Variants in MED13L observed in about 807,000 individuals in gnomAD.
MED13L encodes mediator complex subunit 13L, also known as mediator of RNA polymerase II transcription subunit 13-like.
Under a neutral mutation model 220.9 loss-of-function variants are expected in MED13L, and 7 were observed. The ratio of observed to expected loss-of-function variants is 0.03; its 90% CI spans 0.02 to 0.06. The LOEUF is 0.06. MED13L is among the 10% of genes least tolerant of loss of function. The pLI is 1.00. For synonymous variants in MED13L, 1,011 were observed against 1,015.2 expected (o/e 1.00, Z 0.08); for missense variants, 1,965 against 2,760.5 (o/e 0.71, Z 6.46).
At chr12:116,260,791 A>G (rs1872458394) in intron 1 of MED13L, among the ~76,000 whole-genome samples, 1 of 152,186 alleles carries the variant, frequency 6.6e-6, no homozygotes, top group South Asian at 2.1e-4. Context: ...CTCTTACCAA[A>G]AATATCACTG....
intron 1 of MED13L, among the ~76,000 whole-genome samples, chr12:116,240,802 C>T (rs1397152500): frequency 6.6e-6 from 1 of 151,692 alleles, no homozygotes; most frequent in Non-Finnish European, 1.5e-5. Context: ...GCTGGGATTA[C>T]AGGCGCGAGC....
At chr12:116,050,078 A>G (rs1017255492) in intron 4 of MED13L, among the ~76,000 whole-genome samples, 2 of 152,206 alleles carry the variant, frequency 1.3e-5, no homozygotes, top group Non-Finnish European at 2.9e-5. Context: ...AGGATTTTTC[A>G]TTACACTGGC....
chr12:116,225,515 T>C (rs1868889867), intron 2 of MED13L, among the ~76,000 whole-genome samples: 1 of 152,344 alleles, frequency 6.6e-6, no homozygotes, highest in South Asian at 2.1e-4. Context: ...TTGTATGTAA[T>C]TTGTCCAAGG....
At chr12:116,107,417 C>T (rs902776139) in intron 3 of MED13L, among the ~76,000 whole-genome samples, 2 of 152,166 alleles carry the variant, frequency 1.3e-5, no homozygotes, top group Non-Finnish European at 2.9e-5. Flanking sequence ...AAATATTCTA[C>T]ACAGCATCAA....
rs778582850 is a variant in MED13L at position 116,007,589 on chromosome 12, T to C, written c.2060A>G (p.Gln687Arg). 1.2e-6 allele frequency: 2 copies of C among 1,612,320 alleles called. No individual in the cohort carries two copies. The highest frequency in any genetic ancestry group is 4.5e-5 in the East Asian group (2 of 44,820). ...NKRFKIWQDK[Q>R]PQLQPLHFLD... ...GAAGTGGAGTGGCTGCAACTGGGGC[T>C]GTTTGTCTTGCCAGATTTTAAACCG... The change falls in exon 11 of 31, where the codon CAG becomes CGG. Residue 687 changes from glutamine to arginine, a missense_variant. Physicochemically the swap from Gln to Arg is conservative, Grantham distance 43. Transcript: ENST00000281928.
chr12:116,143,691 A>G (rs1054067819), intron 2 of MED13L, among the ~76,000 whole-genome samples: 2 of 152,214 alleles, frequency 1.3e-5, no homozygotes, highest in African/African-American at 4.8e-5. Context: ...GATATAAACA[A>G]TGATCCTACT....
Position 115,991,534 on chromosome 12 carries a change from G to T in MED13L, c.3420C>A (p.Ile1140=). ...SCCICACNMN[I]KGADVGLYIP... is the part of the protein sequence containing the mutation. ...TGTAAAGCCCGACATCCGCCCCTTT[G>T]ATGTTCATGTTGCAGGCACAGATGC... The change falls in exon 17 of 31, where the codon ATC becomes ATA. Residue 1140 remains isoleucine (I), a synonymous_variant. Coordinates refer to ENST00000281928, the MANE Select transcript of MED13L (RefSeq NM_015335.5). This position sits in a 1 kb window ranked among gnomAD's most constrained non-coding sequence, Gnocchi z 7.7. The T allele has an allele frequency of 6.2e-7, 1 of 1,614,132 alleles. No individual in the cohort carries two copies. The highest frequency in any genetic ancestry group is 8.5e-7 in the Non-Finnish European group (1 of 1,180,014).
At chr12:116,104,512 A>G (rs1873384850) in intron 3 of MED13L, among the ~76,000 whole-genome samples, 1 of 152,228 alleles carries the variant, frequency 6.6e-6, no homozygotes, top group Non-Finnish European at 1.5e-5. Context: ...GCTCTGGGCC[A>G]AAGGCAATTT....
At chr12:116,075,159 G>C (rs1870679069) in intron 4 of MED13L, among the ~76,000 whole-genome samples, 1 of 151,908 alleles carries the variant, frequency 6.6e-6, no homozygotes, top group Non-Finnish European at 1.5e-5. Context: ...TTTTCATTTT[G>C]GGGGGAAATA....
intron 23 of MED13L, among the ~76,000 whole-genome samples, 188 bp from the exon 24 acceptor site, chr12:115,975,926 T>C (rs939463966): frequency 3.9e-5 from 6 of 152,176 alleles, no homozygotes; most frequent in Admixed American, 3.3e-4. Context: ...GTTTAAATCA[T>C]GTAAGCTGGG....
At chr12:116,219,738 CA>C (rs1396638609) in intron 2 of MED13L, among the ~76,000 whole-genome samples, 1 of 152,052 alleles carries the variant, frequency 6.6e-6, no homozygotes, top group Non-Finnish European at 1.5e-5. Context: ...CTTTTAATGC[CA>C]AAAGCCATTT....
chr12:116,025,451 C>A (rs770422566), intron 4 of MED13L, among the ~76,000 whole-genome samples: 6 of 152,152 alleles, frequency 3.9e-5, no homozygotes, highest in Non-Finnish European at 7.3e-5. Context: ...CATTATTATT[C>A]ACAATAGTTA....
chr12:116,042,614 G>C (rs972318916), intron 4 of MED13L, among the ~76,000 whole-genome samples: 1 of 152,174 alleles, frequency 6.6e-6, no homozygotes, highest in Non-Finnish European at 1.5e-5. Context: ...TCAGCCCCCT[G>C]AATCAAACTT....
chr12:116,224,350 T>C (rs765342676), intron 2 of MED13L, among the ~76,000 whole-genome samples: 1 of 152,174 alleles, frequency 6.6e-6, no homozygotes, highest in Non-Finnish European at 1.5e-5. Flanking sequence ...TAGCCATGTA[T>C]CCAAATTCTA....
At chr12:116,031,707 A>AGG (rs1880783472) in intron 4 of MED13L, among the ~76,000 whole-genome samples, 2 of 54,940 alleles carry the variant, frequency 3.6e-5, no homozygotes, top group African/African-American at 1.4e-4. Flanking sequence ...AAAGAAAAGA[A>AGG]AAGAAAAGAA....
intron 2 of MED13L, chr12:116,236,875 C>T (rs1565942772): frequency 2.0e-6 from 2 of 985,120 alleles, no homozygotes; most frequent in Non-Finnish European, 2.4e-6. Flanking sequence ...TCAGGCAACA[C>T]CGGAGCCAAT....
chr12:116,247,825 TA>T (rs1871216890), intron 1 of MED13L, among the ~76,000 whole-genome samples: 1 of 152,240 alleles, frequency 6.6e-6, no homozygotes, highest in Non-Finnish European at 1.5e-5. Flanking sequence ...GTTTATAGCG[TA>T]AGTATAAGGG....
intron 16 of MED13L, among the ~76,000 whole-genome samples, chr12:115,994,756 T>C (rs1240371869): frequency 6.6e-6 from 1 of 152,190 alleles, no homozygotes; most frequent in Non-Finnish European, 1.5e-5. Flanking sequence ...GTTCTAGGTG[T>C]GTTGTGCCAG....
At chr12:116,266,621 ATT>A in intron 1 of MED13L, among the ~76,000 whole-genome samples, 1 of 152,394 alleles carries the variant, frequency 6.6e-6, no homozygotes, top group African/African-American at 2.4e-5. Context: ...TATAAATAGC[ATT>A]TGAGTTTTAT....
Sources: allele counts gnomAD v4.1 joint callset (sites outside exome capture counted in the v4.1 genomes callset), GRCh38; gene constraint gnomAD v4.1.1; non-coding constraint Gnocchi (gnomAD v3.1); transcripts MANE v1.5; gene names NCBI Gene and HGNC (gene_info 2026-07-23, HGNC 2026-07-21).